Variants in CDCA2 observed in about 807,000 individuals in gnomAD.
The protein encoded by CDCA2 is cell division cycle-associated protein 2.
CDCA2 carries 44 observed loss-of-function variants against 67.0 expected under a neutral mutation model. That is an observed-to-expected ratio of 0.66 (90% CI 0.52 to 0.84). The LOEUF (loss-of-function observed/expected upper bound fraction) is 0.84, where lower values mean the gene tolerates loss of function less well. Ranked by LOEUF, CDCA2 falls within the 40% of genes least tolerant of loss-of-function variation. The pLI is 0.00. For synonymous variants in CDCA2, 447 were observed against 418.7 expected, an observed-to-expected ratio of 1.07 and a Z score of -0.82; for missense variants, 1,253 against 1,203.2, an observed-to-expected ratio of 1.04 and a Z score of -0.61.
rs368464192 is a variant in CDCA2, at chr8:25,460,265, C to T, written c.26C>T (p.Pro9Leu). Residue 9 changes from proline (P) to leucine (L), a missense_variant, in exon 2 of 15, where the codon CCC (proline) becomes CTC (leucine). Transcript: ENST00000330560. The part of the protein sequence containing the change: MDANSKDK[P>L]PETKESAMNN... ...ATGGATGCCAATTCAAAAGACAAGC[C>T]CCCTGAAACCAAGGAGTCTGCAATG... 12 of 1,614,010 alleles carry T rather than the reference C, an allele frequency of 7.4e-6. No individual in the cohort carries two copies. In the African/African-American group the frequency reaches 1.5e-4, roughly 20 times the overall value.
At position 25,461,033 on chromosome 8, in the gene CDCA2, C is replaced by T. The variant is rs150696340; in HGVS notation, c.232+479C>T. On this transcript the variant is annotated intron_variant, in intron 3 of 14. Coordinates refer to ENST00000330560, the MANE Select transcript of CDCA2 (RefSeq NM_152562.4). ...CCGTAATCCCAGCGCTTTGGGAGGC[C>T]GAGGCAGGCAGATCACCGGAGGTCA... Among the ~76,000 whole-genome samples, 1,425 of 152,026 alleles carry T rather than the reference C, an allele frequency of 9.4e-3. 21 individuals are homozygous for T. Among genetic ancestry groups the T allele is most frequent in the African/African-American group, 0.03 (1,238 of 41,458 alleles).
In CDCA2 at chr8:25,468,532, G is replaced by GATGTGTGTGT. The variant is rs1554520607; in HGVS notation, c.735+119_735+120insATGTGTGTGT. 2.1e-4 allele frequency: 91 copies of GATGTGTGTGT among 424,298 alleles called. 1 individual carries two copies. The South Asian group carries it at 2.5e-3, about 12-fold the overall frequency. The allele number at this position is 424,298 out of a possible 1,614,324, so 26.3% of individuals were successfully genotyped here. ...CCTTGTTCTGCCCTGTGGTTCCTGG[G>GATGTGTGTGT]GTGTGTGTGTGTGTGTGTGTGTGTG... On this transcript the variant is annotated intron_variant, in intron 6 of 14. Transcript: ENST00000330560.
intron 5 of CDCA2, 88 bp from the exon 6 acceptor site, chr8:25,468,129 A>AG (rs1156503280): frequency 4.0e-6 from 2 of 496,566 alleles, no homozygotes; most frequent in Non-Finnish European, 5.4e-6. Context: ...AAAAAAAAAA[A>AG]AAAAAAAAAA....
In CDCA2 at chr8:25,491,198, A is replaced by T. The variant is rs574745421; in HGVS notation, c.1671+2509A>T. ...AAGACTGGAAACGAGAATCTAGGAG[A>T]CACCATAGGACTCTTAGGAAAAAGA... is the stretch of plus-strand genomic sequence containing the variant. On this transcript the variant is annotated intron_variant, in intron 13 of 14. Transcript: ENST00000330560. 5.3e-5 allele frequency among the ~76,000 whole-genome samples: 8 copies of T among 152,298 alleles called. No individual in the cohort carries two copies. In the South Asian group the frequency reaches 1.7e-3, roughly 32 times the overall value.
intron 7 of CDCA2, among the ~76,000 whole-genome samples, chr8:25,477,959 C>T (rs1368492802): frequency 1.4e-5 from 2 of 147,952 alleles, no homozygotes; most frequent in Non-Finnish European, 3.0e-5. Context: ...GTTAGAGTCT[C>T]GCTGTCACCC....
At chr8:25,459,120 G>A (rs1040422551), upstream of CDCA2, 1 of 152,266 alleles carries the variant, frequency 6.6e-6, no homozygotes, top group East Asian at 1.9e-4. Context: ...GGGAGCGCTC[G>A]GAGTGTGCGC....
intron 6 of CDCA2, 116 bp downstream of exon 6, chr8:25,468,529 T>C: frequency 2.7e-6 from 1 of 370,388 alleles, no homozygotes; most frequent in Non-Finnish European, 4.7e-6. Context: ...CTGTGGTTCC[T>C]GGGGTGTGTG....
chr8:25,498,670 G>A (rs780118096), intron 13 of CDCA2, among the ~76,000 whole-genome samples: 3 of 151,976 alleles, frequency 2.0e-5, no homozygotes, highest in Non-Finnish European at 4.4e-5. Context: ...TGATACAGCC[G>A]AGATCCAGAC....
At chr8:25,491,544 A>G (rs947634155) in intron 13 of CDCA2, among the ~76,000 whole-genome samples, 1 of 151,894 alleles carries the variant, frequency 6.6e-6, no homozygotes, top group Non-Finnish European at 1.5e-5. Flanking sequence ...GAAAATTTCA[A>G]CCGAGTATTC....
intron 13 of CDCA2, among the ~76,000 whole-genome samples, chr8:25,495,652 C>T (rs548244079): frequency 6.6e-6 from 1 of 152,220 alleles, no homozygotes; most frequent in Non-Finnish European, 1.5e-5. Context: ...GATCTGCTGA[C>T]CTCGTGATCC....
chr8:25,490,207 G>A (rs1244660795), intron 13 of CDCA2, among the ~76,000 whole-genome samples: 2 of 151,988 alleles, frequency 1.3e-5, no homozygotes, highest in Non-Finnish European at 1.5e-5. Flanking sequence ...CTTCGTGTGT[G>A]TGTGTATATA....
At chr8:25,484,687 G>A (rs116318716) in intron 10 of CDCA2, among the ~76,000 whole-genome samples, 489 of 151,282 alleles carry the variant, frequency 3.2e-3, no homozygotes, top group African/African-American at 0.012. Flanking sequence ...AACCTCCCAG[G>A]CTCAAGCTAT....
rs762731661 is a variant in CDCA2 at position 25,466,307 on chromosome 8, T to A, written c.520T>A (p.Ser174Thr). ...CLEFSEAGKE[S>T]EMTDLTRKEG... ...GGAATTCTCAGAGGCAGGAAAAGAGTCCGAGATGACAGACTTGAGTGAGTA... is the reference window on the plus strand; with the variant it reads ...GGAATTCTCAGAGGCAGGAAAAGAGACCGAGATGACAGACTTGAGTGAGTA... The change falls in exon 5 of 15, where the codon TCC (serine) becomes ACC (threonine). Residue 174 changes from serine (S) to threonine (T), a missense_variant. Physicochemically the swap from Ser to Thr is moderately conservative, Grantham distance 58 (BLOSUM62 1). Transcript: ENST00000330560. 6.2e-7 allele frequency: 1 copy of A among 1,602,360 alleles called. No individual in the cohort carries two copies. Among genetic ancestry groups the A allele is most frequent in the Non-Finnish European group, 8.5e-7 (1 of 1,176,978 alleles).
chr8:25,496,215 A>C (rs953280566), intron 13 of CDCA2, among the ~76,000 whole-genome samples: 1 of 152,238 alleles, frequency 6.6e-6, no homozygotes, highest in African/African-American at 2.4e-5. Flanking sequence ...CACTGACCAG[A>C]TATGATCATC....
At chr8:25,487,603 C>T (rs754767675) in intron 12 of CDCA2, among the ~76,000 whole-genome samples, 7 of 151,994 alleles carry the variant, frequency 4.6e-5, no homozygotes, top group Non-Finnish European at 1.0e-4. Flanking sequence ...ATTAGCCGGA[C>T]GTGGTGGTGG....
At chr8:25,489,483 A>G (rs565426511) in intron 13 of CDCA2, among the ~76,000 whole-genome samples, 46 of 152,166 alleles carry the variant, frequency 3.0e-4, no homozygotes, top group African/African-American at 1.1e-3. Context: ...CACCTCATCC[A>G]TCCAGCAAAA....
chr8:25,460,618 A>G (rs1802644886), intron 3 of CDCA2, 64 bp downstream of exon 3: 9 of 1,515,842 alleles, frequency 5.9e-6, no homozygotes, highest in African/African-American at 2.8e-5. Flanking sequence ...AATATAACTC[A>G]GCTTTATTTG....
intron 13 of CDCA2, among the ~76,000 whole-genome samples, chr8:25,489,137 G>A (rs774920246): frequency 1.2e-4 from 19 of 152,022 alleles, no homozygotes; most frequent in East Asian, 3.9e-4. Context: ...ACTTCTGGTC[G>A]TCTCAGATAC....
At chr8:25,506,417 A>G in intron 14 of CDCA2, 93 bp from the exon 15 acceptor site, 1 of 1,243,016 alleles carries the variant, frequency 8.0e-7, no homozygotes, top group East Asian at 2.6e-5. Context: ...TAAAACACAA[A>G]AACAAAACAG....
Sources: gnomAD v4.1 joint callset for allele counts (sites outside exome capture counted in the v4.1 genomes callset) on GRCh38, gnomAD v4.1.1 for gene constraint, MANE v1.5 for transcripts, NCBI Gene and HGNC (gene_info 2026-07-23, HGNC 2026-07-21) for gene names.